ADAMTS17: variants seen among roughly 807,000 people sequenced by gnomAD.
ADAMTS17 encodes the protein A disintegrin and metalloproteinase with thrombospondin motifs 17.
In ADAMTS17, 113 loss-of-function variants were observed where a neutral mutation model predicts 141.5. The ratio of observed to expected loss-of-function variants is 0.80; its 90% CI spans 0.69 to 0.93. The LOEUF (loss-of-function observed/expected upper bound fraction) is 0.93. ADAMTS17 is among the 40% of genes least tolerant of loss of function. The pLI is 0.00. For missense variants in ADAMTS17, 1,659 were observed against 1,517.9 expected, an observed-to-expected ratio of 1.09 and a Z score of -1.54; for synonymous variants, 768 against 630.6, an observed-to-expected ratio of 1.22 and a Z score of -3.27.
At chr15:99,981,773 A>G (rs1376045467) in intron 20 of ADAMTS17, among the ~76,000 whole-genome samples, 2 of 152,222 alleles carry the variant, frequency 1.3e-5, no homozygotes, top group African/African-American at 2.4e-5. Context: ...CTATAGTAAG[A>G]GCTACTTATA....
At chr15:100,295,695 T>G (rs1471469598) in intron 3 of ADAMTS17, among the ~76,000 whole-genome samples, 1 of 152,234 alleles carries the variant, frequency 6.6e-6, no homozygotes, top group Non-Finnish European at 1.5e-5. Context: ...CTTCCCTCTT[T>G]GCTCGTGCAG....
chr15:100,069,893 A>G (rs973208723), intron 15 of ADAMTS17, among the ~76,000 whole-genome samples: 2 of 150,338 alleles, frequency 1.3e-5, no homozygotes, highest in Admixed American at 6.6e-5. Flanking sequence ...ACATATAACA[A>G]TATTAACCTT....
rs540293875 is a variant in ADAMTS17 at position 100,109,256 on chromosome 15, C to T, written c.1889-140G>A. On this transcript the variant is annotated intron_variant, in intron 13 of 21. Coordinates refer to ENST00000268070, the MANE Select transcript of ADAMTS17 (RefSeq NM_139057.4). ...GTAAAGGTGCATGAGCTCAGGTACG[C>T]GCTCCAGGAAGCGGAAAAAGACCCA... The T allele has an allele frequency of 2.1e-4, 214 of 1,033,430 alleles. 2 individuals carry two copies. The African/African-American group carries it at 2.3e-3, about 11-fold the overall frequency. The allele number at this position is 1,033,430 out of a possible 1,614,324, so 64.0% of individuals were successfully genotyped here. A position where few individuals can be genotyped will look rare whatever the true frequency, so the allele number is the denominator to read the frequency against.
rs149086304 is a variant in ADAMTS17 at position 100,204,663 on chromosome 15, C to T, written c.1076-5240G>A. Among the ~76,000 whole-genome samples the T allele has an allele frequency of 4.0e-3, 613 of 152,346 alleles. 6 individuals are homozygous for T. Among genetic ancestry groups the T allele is most frequent in the African/African-American group, 0.014 (575 of 41,578 alleles). On this transcript the variant is annotated intron_variant, in intron 7 of 21. Transcript: ENST00000268070. ...TGAATTGAAGAGATAAATGTGAGTG[C>T]TAAAACTATAAAAGTCTTAGAAGAA...
At chr15:99,994,546 A>G (rs1407485786) in intron 19 of ADAMTS17, among the ~76,000 whole-genome samples, 1 of 152,016 alleles carries the variant, frequency 6.6e-6, no homozygotes. Flanking sequence ...ATTTATCCCA[A>G]GATATGATCT....
chr15:100,097,958 A>C (rs1396408580), intron 14 of ADAMTS17, among the ~76,000 whole-genome samples: 1 of 152,242 alleles, frequency 6.6e-6, no homozygotes, highest in Non-Finnish European at 1.5e-5. Context: ...ATTCCAGAGA[A>C]GACTTTTAGA....
chr15:100,153,532 T>A (rs1567267262), intron 9 of ADAMTS17, among the ~76,000 whole-genome samples: 2 of 152,124 alleles, frequency 1.3e-5, no homozygotes, highest in Non-Finnish European at 2.9e-5. Context: ...TAGTCCCAGC[T>A]AATTGGAAGG....
intron 10 of ADAMTS17, among the ~76,000 whole-genome samples, chr15:100,148,312 G>T (rs992292898): frequency 1.1e-4 from 16 of 152,194 alleles, no homozygotes; most frequent in Non-Finnish European, 2.4e-4. Context: ...TCATATATTT[G>T]CCCACGAAAT....
chr15:100,140,488 C>CATATATATATATATGTAT (rs2038579647), intron 10 of ADAMTS17, among the ~76,000 whole-genome samples: 1 of 124,936 alleles, frequency 8.0e-6, no homozygotes, highest in Admixed American at 7.8e-5. Flanking sequence ...CACATACATA[C>CATATATATATATATGTAT]ATATATATAT....
chr15:100,150,331 C>G (rs1229454115), intron 10 of ADAMTS17, among the ~76,000 whole-genome samples: 1 of 152,160 alleles, frequency 6.6e-6, no homozygotes, highest in Admixed American at 6.5e-5. Context: ...TGGGGTCTAT[C>G]TTTGAATGAC....
In ADAMTS17 at chr15:100,062,191, T is replaced by C. The variant is rs531582768; in HGVS notation, c.2138-8137A>G. ...TCCATGCAGGGGAGGTGAAAAACCA[T>C]GGGGCTGATGAAAATGCACATGGAT... On this transcript the variant is annotated intron_variant, in intron 15 of 21. Transcript: ENST00000268070. Among the ~76,000 whole-genome samples, 3 of 152,152 alleles carry C rather than the reference T, an allele frequency of 2.0e-5. No homozygotes were observed. In the East Asian group the frequency reaches 5.8e-4, roughly 29 times the overall value.
At chr15:100,069,733 C>G (rs571989770) in intron 15 of ADAMTS17, among the ~76,000 whole-genome samples, 1 of 151,094 alleles carries the variant, frequency 6.6e-6, no homozygotes, top group East Asian at 1.9e-4. Context: ...TACAAGAGCT[C>G]CTGAAGGAAG....
At chr15:100,216,557 C>T (rs745577982) in intron 7 of ADAMTS17, among the ~76,000 whole-genome samples, 1 of 152,202 alleles carries the variant, frequency 6.6e-6, no homozygotes, top group African/African-American at 2.4e-5. Context: ...CGTCTGGAAC[C>T]GCACTGTGCC....
Position 100,094,530 on chromosome 15 carries a change from G to C in ADAMTS17, c.2137+1826C>G, listed in dbSNP as rs998658576. Among the ~76,000 whole-genome samples, 3 of 152,228 alleles carry C rather than the reference G, an allele frequency of 2.0e-5. No homozygotes were observed. In the East Asian group the frequency reaches 5.8e-4, roughly 29 times the overall value. On this transcript the variant is annotated intron_variant, in intron 15 of 21. Transcript: ENST00000268070. Reference sequence around the variant, plus strand: ...TTAATCTGGGTTATCTCAGAAGTGAGATCCTATGTTAGTTAGATGTGTGGT... The same window carrying C: ...TTAATCTGGGTTATCTCAGAAGTGACATCCTATGTTAGTTAGATGTGTGGT...
intron 8 of ADAMTS17, among the ~76,000 whole-genome samples, chr15:100,161,377 C>T (rs1048959495): frequency 5.3e-5 from 8 of 152,128 alleles, no homozygotes; most frequent in African/African-American, 1.9e-4. Flanking sequence ...GGCGTCAGGT[C>T]CGGCCTCACC....
intron 2 of ADAMTS17, among the ~76,000 whole-genome samples, chr15:100,333,470 T>C (rs1648189810): frequency 6.6e-6 from 1 of 152,190 alleles, no homozygotes; most frequent in African/African-American, 2.4e-5. Context: ...GCCCAGGCAC[T>C]GATATTTTTT....
At chr15:100,333,051 G>A (rs1360469934) in intron 2 of ADAMTS17, among the ~76,000 whole-genome samples, 1 of 152,094 alleles carries the variant, frequency 6.6e-6, no homozygotes. Context: ...GTCCTGTTGA[G>A]AAGTGCCACC....
At chr15:100,322,123 C>T (rs905720217) in intron 3 of ADAMTS17, among the ~76,000 whole-genome samples, 1 of 152,070 alleles carries the variant, frequency 6.6e-6, no homozygotes, top group African/African-American at 2.4e-5. Flanking sequence ...TGGGTGGAGT[C>T]AACACTTGGA....
Position 99,973,313 on chromosome 15 carries a change from T to G in ADAMTS17, c.*1089A>C, listed in dbSNP as rs1369672839. 1 of 152,256 alleles carries G rather than the reference T, an allele frequency of 6.6e-6. No homozygotes were observed. The highest frequency in any genetic ancestry group is 1.5e-5 in the Non-Finnish European group (1 of 68,112). The allele number at this position is 152,256 out of a possible 1,614,324, so 9.4% of individuals were successfully genotyped here. The stretch of plus-strand genomic sequence containing the variant: ...TGCCAGCCAGATGGCGTTCCTCCCC[T>G]GGTCCTGGCACATCAGGCTGCTCCG... On this transcript the variant is annotated 3_prime_UTR_variant, in exon 22 of 22. Transcript: ENST00000268070.
Sources: gnomAD v4.1 joint callset for allele counts (sites outside exome capture counted in the v4.1 genomes callset) on GRCh38, gnomAD v4.1.1 for gene constraint, MANE v1.5 for transcripts, NCBI Gene and HGNC (gene_info 2026-07-23, HGNC 2026-07-21) for gene names.